NKD1: variants seen among roughly 807,000 people sequenced by gnomAD.
NKD1 encodes the protein protein naked cuticle homolog 1.
A neutral mutation model predicts 56.0 loss-of-function variants in NKD1; 21 were observed. The observed-to-expected ratio is 0.38, with a 90% CI of 0.27 to 0.54. The LOEUF is 0.54. NKD1 is among the 20% of genes least tolerant of loss of function. The pLI is 0.82. For missense variants in NKD1, 578 were observed against 642.7 expected, an observed-to-expected ratio of 0.90 and a Z score of 1.09; for synonymous variants, 263 against 265.7, an observed-to-expected ratio of 0.99 and a Z score of 0.10.
intron 3 of NKD1, among the ~76,000 whole-genome samples, chr16:50,573,357 G>A (rs1960924866): frequency 1.3e-5 from 2 of 152,344 alleles, no homozygotes; most frequent in African/African-American, 2.4e-5. Flanking sequence ...AAGTTGCCCT[G>A]TGGGCAGGTG....
chr16:50,620,700 T>C lies in NKD1; in HGVS notation c.260-902T>C, dbSNP rs1224079436. On this transcript the variant is annotated intron_variant, in intron 4 of 9. Transcript: ENST00000268459. The stretch of plus-strand genomic sequence containing the variant: ...AATGGCGGAAGGGACTAAAGGAGGC[T>C]TATGGGACATTCCAAGAATTGATGG... Among the ~76,000 whole-genome samples the C allele has an allele frequency of 3.3e-5, 5 of 152,148 alleles. No individual in the cohort carries two copies. The East Asian group carries it at 9.6e-4, about 29-fold the overall frequency.
chr16:50,619,198 T>C (rs996342264), intron 4 of NKD1, among the ~76,000 whole-genome samples: 1 of 152,040 alleles, frequency 6.6e-6, no homozygotes, highest in Non-Finnish European at 1.5e-5. Flanking sequence ...TCTTTTTCTT[T>C]CTCTTCTTTC....
intron 3 of NKD1, among the ~76,000 whole-genome samples, chr16:50,595,632 A>G (rs975952683): frequency 6.6e-5 from 10 of 152,274 alleles, no homozygotes; most frequent in Middle Eastern, 3.4e-3. Flanking sequence ...CCATCTGTAA[A>G]AACAGCAATA....
chr16:50,562,610 T>C (rs1960658586), intron 3 of NKD1, among the ~76,000 whole-genome samples: 1 of 152,196 alleles, frequency 6.6e-6, no homozygotes, highest in African/African-American at 2.4e-5. Flanking sequence ...GAGGACCACC[T>C]ACATCTGAAT....
At chr16:50,551,700 A>G in intron 3 of NKD1, 1 of 152,042 alleles carries the variant, frequency 6.6e-6, no homozygotes, top group South Asian at 2.1e-4. Context: ...CTGGGGGAAC[A>G]TTTTAAATCT....
At chr16:50,553,594 A>G (rs1960437439) in intron 3 of NKD1, 1 of 152,178 alleles carries the variant, frequency 6.6e-6, no homozygotes, top group South Asian at 2.1e-4. Flanking sequence ...ATTACCCTTG[A>G]ATGATACCAG....
rs1596770048 is a variant in NKD1, at chr16:50,640,853, A to C, written c.*7072A>C. ...AAAAGAAGTTAAAAAGAAAAAAAAAACAACCTCATTATGTTGTCTTTGTTT... is the reference window on the plus strand; with the variant it reads ...AAAAGAAGTTAAAAAGAAAAAAAAACCAACCTCATTATGTTGTCTTTGTTT... On this transcript the variant is annotated 3_prime_UTR_variant, in exon 10 of 10. Transcript: ENST00000268459. 6.6e-6 allele frequency: 1 copy of C among 151,858 alleles called. No individual in the cohort carries two copies. The highest frequency in any genetic ancestry group is 1.9e-4 in the East Asian group (1 of 5,190). 9.4% of individuals were successfully genotyped at this position (151,858 alleles called of 1,614,324 possible).
chr16:50,616,234 T>A, intron 4 of NKD1: 1 of 345,430 alleles, frequency 2.9e-6, no homozygotes, highest in Admixed American at 3.2e-5. Flanking sequence ...TGAGAAGAAC[T>A]TGCCAGGTAA....
Position 50,632,406 on chromosome 16 carries a change from C to T in NKD1, c.821C>T (p.Pro274Leu). 6.2e-7 allele frequency: 1 copy of T among 1,614,078 alleles called. No homozygotes were observed. The highest frequency in any genetic ancestry group is 8.5e-7 in the Non-Finnish European group (1 of 1,179,972). Residue 274 changes from proline to leucine, a missense_variant and splice_region_variant, in exon 9 of 10, where the codon CCT (proline) becomes CTT (leucine). Coordinates refer to ENST00000268459, the MANE Select transcript of NKD1 (RefSeq NM_033119.5). The surrounding 1 kb of genome is among the most constrained non-coding windows in gnomAD (Gnocchi z 4.1). ...GAAAACTACACGTCCCAATTTGGGCCTGGTAAGGGACTCAAGCACCCTGCA... is the reference window on the plus strand; with the variant it reads ...GAAAACTACACGTCCCAATTTGGGCTTGGTAAGGGACTCAAGCACCCTGCA... ...GIENYTSQFG[P>L]GSPSVAQKSE...
intron 3 of NKD1, among the ~76,000 whole-genome samples, chr16:50,596,194 G>A (rs535192365): frequency 6.6e-6 from 1 of 152,280 alleles, no homozygotes; most frequent in South Asian, 2.1e-4. Context: ...GGGAGCAATG[G>A]GGTCTGGGTG....
chr16:50,613,443 GGGCA>G (rs1961891917), intron 4 of NKD1: 1 of 152,230 alleles, frequency 6.6e-6, no homozygotes, highest in African/African-American at 2.4e-5. Context: ...CCAGATGGAG[GGGCA>G]GGTGCCCATG....
chr16:50,563,567 G>C (rs1960692442), intron 3 of NKD1, among the ~76,000 whole-genome samples: 2 of 151,498 alleles, frequency 1.3e-5, no homozygotes, highest in African/African-American at 4.9e-5. Context: ...AAGACCCTGT[G>C]TGTCAGGCTA....
chr16:50,617,837 C>A (rs1961997187), intron 4 of NKD1, among the ~76,000 whole-genome samples: 1 of 152,210 alleles, frequency 6.6e-6, no homozygotes, highest in African/African-American at 2.4e-5. Context: ...CTGTGCCCTG[C>A]TCATCAAGCA....
rs1205161215 is a variant in NKD1 at position 50,646,402 on chromosome 16, A to G, written c.*12621A>G. The G allele has an allele frequency of 1.3e-5, 2 of 152,034 alleles. No individual in the cohort carries two copies. The highest frequency in any genetic ancestry group is 2.9e-5 in the Non-Finnish European group (2 of 68,032). The allele number at this position is 152,034 out of a possible 1,614,324, so 9.4% of individuals were successfully genotyped here. ...GGGGAGAGAGAACGAAGGCTAACTG[A>G]TGCCACAGTCTTTTATGTACATGGC... On this transcript the variant is annotated 3_prime_UTR_variant, in exon 10 of 10. Coordinates refer to ENST00000268459, the MANE Select transcript of NKD1 (RefSeq NM_033119.5).
chr16:50,606,654 C>T, intron 3 of NKD1: 1 of 406,530 alleles, frequency 2.5e-6, no homozygotes, highest in Non-Finnish European at 5.1e-6. Flanking sequence ...TCCAAGTGTG[C>T]CAGTAAAAAG....
chr16:50,548,508 G>A lies in NKD1; in HGVS notation c.-46G>A. ...GCCAAGGGAGGCGCCAGGCCCGCGG[G>A]CCGGGCGCATGGCTTAGGGACGCTC... On this transcript the variant is annotated 5_prime_UTR_variant, in exon 1 of 10. Coordinates refer to ENST00000268459, the MANE Select transcript of NKD1 (RefSeq NM_033119.5). The A allele has an allele frequency of 7.0e-7, 1 of 1,421,206 alleles. No individual in the cohort carries two copies. The highest frequency in any genetic ancestry group is 9.2e-7 in the Non-Finnish European group (1 of 1,088,676). 88.0% of individuals were successfully genotyped at this position (1,421,206 alleles called of 1,614,324 possible). A position where few individuals can be genotyped will look rare whatever the true frequency, so the allele number is the denominator to read the frequency against.
chr16:50,576,739 T>G (rs1308236644), intron 3 of NKD1, among the ~76,000 whole-genome samples: 1 of 94,904 alleles, frequency 1.1e-5, no homozygotes, highest in Non-Finnish European at 2.0e-5. Flanking sequence ...CATATCTCAA[T>G]AAAGTGCTTT....
rs1962542462 is a variant in NKD1 at position 50,639,710 on chromosome 16, C to T, written c.*5929C>T. 6.6e-6 allele frequency: 1 copy of T among 152,222 alleles called. No homozygotes were observed. Among genetic ancestry groups the T allele is most frequent in the South Asian group, 2.1e-4 (1 of 4,836 alleles). The allele number at this position is 152,222 out of a possible 1,614,324, so 9.4% of individuals were successfully genotyped here. A position where few individuals can be genotyped will look rare whatever the true frequency, so the allele number is the denominator to read the frequency against. On this transcript the variant is annotated 3_prime_UTR_variant, in exon 10 of 10. Coordinates refer to ENST00000268459, the MANE Select transcript of NKD1 (RefSeq NM_033119.5). ...GCCTCTGGATAACCCACCTCTCCTC[C>T]CTCATCCTAAAATTACAGATGGCGA... is the stretch of plus-strand genomic sequence containing the variant.
chr16:50,589,369 C>T (rs1376227062), intron 3 of NKD1, among the ~76,000 whole-genome samples: 1 of 152,220 alleles, frequency 6.6e-6, no homozygotes, highest in Non-Finnish European at 1.5e-5. Flanking sequence ...TTAAACTTCA[C>T]TGGTGGTGAA....
Sources: gnomAD v4.1 joint callset for allele counts (sites outside exome capture counted in the v4.1 genomes callset) on GRCh38, gnomAD v4.1.1 for gene constraint, Gnocchi (gnomAD v3.1) non-coding constraint, MANE v1.5 for transcripts, NCBI Gene and HGNC (gene_info 2026-07-23, HGNC 2026-07-21) for gene names.